The following KIF21A variants were observed in gnomAD, a reference collection of about 807,000 sequenced individuals.
The protein encoded by KIF21A is kinesin family member 21A.
KIF21A carries 114 observed loss-of-function variants against 202.9 expected under a neutral mutation model. The observed-to-expected ratio is 0.56, with a 90% CI of 0.48 to 0.66. The LOEUF (loss-of-function observed/expected upper bound fraction) is 0.66. KIF21A is among the 30% of genes least tolerant of loss of function. KIF21A has a pLI of 0.00. For missense variants in KIF21A, 1,677 were observed against 1,994.9 expected (o/e 0.84, Z 3.04); for synonymous variants, 667 against 670.8 (o/e 0.99, Z 0.09).
intron 7 of KIF21A, among the ~76,000 whole-genome samples, chr12:39,359,498 C>A (rs1949038972): frequency 6.6e-6 from 1 of 152,138 alleles, no homozygotes; most frequent in South Asian, 2.1e-4. Context: ...AACATTTGAA[C>A]CAATATTAGG....
At chr12:39,320,040 A>G (rs1945036040) in intron 27 of KIF21A, 27 bp from the exon 28 acceptor site, 1 of 1,335,422 alleles carries the variant, frequency 7.5e-7, no homozygotes, top group Non-Finnish European at 1.1e-6. Context: ...TTCTTTAATT[A>G]CCTAATTCTA....
At chr12:39,403,459 C>T (rs910471495) in intron 1 of KIF21A, among the ~76,000 whole-genome samples, 4 of 151,564 alleles carry the variant, frequency 2.6e-5, no homozygotes, top group African/African-American at 9.8e-5. Flanking sequence ...TTTTTCAGTG[C>T]TTCAATTTTA....
intron 1 of KIF21A, among the ~76,000 whole-genome samples, chr12:39,416,283 T>C (rs1953575746): frequency 1.3e-5 from 2 of 152,040 alleles, no homozygotes; most frequent in South Asian, 2.1e-4. Flanking sequence ...AACAATAAGC[T>C]GATTAAAATG....
At chr12:39,418,481 T>C (rs1953969175) in intron 1 of KIF21A, among the ~76,000 whole-genome samples, 1 of 152,238 alleles carries the variant, frequency 6.6e-6, no homozygotes, top group Non-Finnish European at 1.5e-5. Flanking sequence ...TCTGAGTTCA[T>C]TATCTGTTGT....
At chr12:39,379,242 T>TCCCA (rs1287879652) in intron 1 of KIF21A, among the ~76,000 whole-genome samples, 1 of 151,652 alleles carries the variant, frequency 6.6e-6, no homozygotes, top group African/African-American at 2.4e-5. Context: ...GCTTGAGAAT[T>TCCCA]GCTTGAACAT....
chr12:39,383,080 G>A (rs1249075813), intron 1 of KIF21A, among the ~76,000 whole-genome samples: 1 of 152,206 alleles, frequency 6.6e-6, no homozygotes, highest in African/African-American at 2.4e-5. Context: ...CAGGCATCTA[G>A]GAAAGCTGGC....
In KIF21A at chr12:39,301,485, T is replaced by C. The variant is rs1942957339; in HGVS notation, c.4926A>G (p.Ala1642=). 6.2e-7 allele frequency: 1 copy of C among 1,613,110 alleles called. No individual in the cohort carries two copies. Among genetic ancestry groups the C allele is most frequent in the Admixed American group, 1.7e-5 (1 of 60,022 alleles). ...AATCATATAAGAAAACTTACTCAGC[T>C]GCAGTAAAAATGTGGGTGGAATTAA... The part of the protein sequence containing the change: ...ICVNSTHIFT[A]ADDRTVRIWK... Residue 1642 remains alanine, a synonymous_variant, in exon 37 of 38, where the codon GCA becomes GCG. Transcript: ENST00000361418.
chr12:39,322,832 A>C lies in KIF21A; in HGVS notation c.3507T>G (p.Ser1169Arg), dbSNP rs1945427121. ...TQMELLYADS[S>R]ELASDTSTGD... ...CTGTACTAGTGTCTGAAGCTAGTTCACTGCTATCTGCATACAGCAATTCCA... is the reference window on the plus strand; with the variant it reads ...CTGTACTAGTGTCTGAAGCTAGTTCCCTGCTATCTGCATACAGCAATTCCA... Residue 1169 changes from serine (S) to arginine (R), a missense_variant, in exon 27 of 38, where the codon AGT becomes AGG. Ser to Arg is a moderately radical substitution (Grantham distance 110). This residue lies in a region of KIF21A where 705 missense variants were observed against 791.9 expected (regional missense o/e 0.89). Coordinates refer to ENST00000361418, the MANE Select transcript of KIF21A (RefSeq NM_001173464.2). The C allele has an allele frequency of 6.2e-7, 1 of 1,609,396 alleles. No homozygotes were observed. The highest frequency in any genetic ancestry group is 1.7e-5 in the Admixed American group (1 of 59,468).
intron 17 of KIF21A, 97 bp from the exon 18 acceptor site, chr12:39,333,377 T>C (rs1402119512): frequency 1.1e-6 from 1 of 908,378 alleles, no homozygotes; most frequent in East Asian, 2.5e-5. Context: ...CTGGGAACTA[T>C]GAGTTCTTAG....
chr12:39,413,104 G>A (rs1009008455), intron 1 of KIF21A, among the ~76,000 whole-genome samples: 9 of 151,968 alleles, frequency 5.9e-5, no homozygotes, highest in Non-Finnish European at 1.0e-4. Context: ...AAATCTTTTA[G>A]GAATGCCTCC....
At chr12:39,340,622 T>A (rs1947361761) in intron 15 of KIF21A, among the ~76,000 whole-genome samples, 1 of 152,014 alleles carries the variant, frequency 6.6e-6, no homozygotes, top group African/African-American at 2.4e-5. Flanking sequence ...TAAATTTGTA[T>A]AAAGTAAGTA....
At chr12:39,340,740 A>G (rs112669455) in intron 15 of KIF21A, among the ~76,000 whole-genome samples, 166 bp downstream of exon 15, 162 of 152,240 alleles carry the variant, frequency 1.1e-3, no homozygotes, top group African/African-American at 3.6e-3. Flanking sequence ...CAAGCTACAT[A>G]TAACTTTTAA....
At chr12:39,390,713 G>A (rs573370266) in intron 1 of KIF21A, among the ~76,000 whole-genome samples, 1 of 152,114 alleles carries the variant, frequency 6.6e-6, no homozygotes, top group Non-Finnish European at 1.5e-5. Flanking sequence ...ATATATATTT[G>A]TCAGAATTGA....
intron 30 of KIF21A, among the ~76,000 whole-genome samples, chr12:39,315,467 A>G (rs921240061): frequency 1.3e-5 from 2 of 151,950 alleles, no homozygotes; most frequent in Non-Finnish European, 2.9e-5. Flanking sequence ...TTTATTTCCT[A>G]TTCTTTTTAA....
chr12:39,435,607 A>G (rs1938577578), intron 1 of KIF21A, among the ~76,000 whole-genome samples: 1 of 152,160 alleles, frequency 6.6e-6, no homozygotes. Flanking sequence ...TAAACCACTC[A>G]GATTTCTGCC....
chr12:39,298,306 G>T (rs1334787924), intron 37 of KIF21A, among the ~76,000 whole-genome samples: 3 of 152,274 alleles, frequency 2.0e-5, no homozygotes, highest in South Asian at 2.1e-4. Context: ...GCAGAGAAAA[G>T]AACTCTACAA....
Position 39,298,903 on chromosome 12 carries a change from A to C in KIF21A, c.4931+2577T>G, listed in dbSNP as rs985738909. 2.0e-5 allele frequency among the ~76,000 whole-genome samples: 3 copies of C among 152,164 alleles called. No individual in the cohort carries two copies. The East Asian group carries it at 5.8e-4, about 29-fold the overall frequency. On this transcript the variant is annotated intron_variant, in intron 37 of 37. Transcript: ENST00000361418. ...AATAGAGATTATAATAATAATACTT[A>C]ACTTCTAGAGTTATTCTAAGGACTA...
intron 1 of KIF21A, among the ~76,000 whole-genome samples, chr12:39,418,249 T>C (rs546220255): frequency 2.2e-4 from 33 of 151,566 alleles, no homozygotes; most frequent in Admixed American, 1.2e-3. Flanking sequence ...CCAGAAAACA[T>C]TGATTTTGTA....
chr12:39,369,837 A>T lies in KIF21A; in HGVS notation c.342T>A (p.Ile114=), dbSNP rs1361827826. The stretch of plus-strand genomic sequence containing the variant: ...TAAAAAGGTGTTTAACAGCTCGAGA[A>T]ATAATACCCAGTTCTTCCTCAACAA... The part of the protein sequence containing the change: ...VNIVEEELGI[I]SRAVKHLFKS... The change falls in exon 3 of 38, where the codon ATT becomes ATA. Residue 114 remains isoleucine (I), a synonymous_variant. Transcript: ENST00000361418. The T allele has an allele frequency of 6.2e-7, 1 of 1,613,290 alleles. No homozygotes were observed. The highest frequency in any genetic ancestry group is 8.5e-7 in the Non-Finnish European group (1 of 1,179,426).
Sources: allele counts gnomAD v4.1 joint callset (sites outside exome capture counted in the v4.1 genomes callset), GRCh38; gene constraint gnomAD v4.1.1; regional missense constraint gnomAD v4.1.1; transcripts MANE v1.5; gene names NCBI Gene and HGNC (gene_info 2026-07-23, HGNC 2026-07-21).